Variants in CAMKMT observed in about 807,000 individuals in gnomAD.
The protein encoded by CAMKMT is calmodulin-lysine N-methyltransferase.
In CAMKMT, 53 loss-of-function variants were observed where a neutral mutation model predicts 48.0. The observed-to-expected ratio is 1.10, with a 90% CI of 0.89 to 1.39. CAMKMT has a LOEUF of 1.39. Ranked by LOEUF, CAMKMT falls within the 40% of genes most tolerant of loss-of-function variation. The probability of loss-of-function intolerance (pLI) is 0.00; values close to 1 mark genes in which losing one functional copy is unlikely to be tolerated. For missense variants in CAMKMT, 428 were observed against 402.7 expected, an observed-to-expected ratio of 1.06 and a Z score of -0.54; for synonymous variants, 165 against 152.3, an observed-to-expected ratio of 1.08 and a Z score of -0.61.
chr2:44,636,491 T>C (rs1269968051), intron 3 of CAMKMT, among the ~76,000 whole-genome samples: 2 of 152,166 alleles, frequency 1.3e-5, no homozygotes, highest in Non-Finnish European at 2.9e-5. Flanking sequence ...CCAGTGTAAC[T>C]TAGGTGCAGC....
chr2:44,565,204 C>T (rs573539399), intron 3 of CAMKMT, among the ~76,000 whole-genome samples: 152 of 152,190 alleles, frequency 1.0e-3, no homozygotes, highest in African/African-American at 3.5e-3. Flanking sequence ...ATGGCAACAC[C>T]TTCAAACATT....
rs527544281 is a variant in CAMKMT, at chr2:44,416,107, A to G, written c.376+25802A>G. 3.3e-5 allele frequency among the ~76,000 whole-genome samples: 5 copies of G among 152,316 alleles called. No individual in the cohort carries two copies. In the East Asian group the frequency reaches 9.6e-4, roughly 29 times the overall value. On this transcript the variant is annotated intron_variant, in intron 3 of 10. Transcript: ENST00000378494. ...CAATTTATGAAGTATGGTTGGGTTT[A>G]GGGCATTTATTATTTAAAGAAAAAA...
chr2:44,582,464 T>G (rs1294540437), intron 3 of CAMKMT, among the ~76,000 whole-genome samples: 2 of 152,222 alleles, frequency 1.3e-5, no homozygotes, highest in Admixed American at 1.3e-4. Context: ...AGCTGTCTCA[T>G]TCTTTCTGCC....
intron 3 of CAMKMT, among the ~76,000 whole-genome samples, chr2:44,508,068 G>A (rs1448508423): frequency 6.6e-6 from 1 of 152,176 alleles, no homozygotes; most frequent in Non-Finnish European, 1.5e-5. Context: ...TTGTGGTAAT[G>A]TGAAAAGTTT....
chr2:44,595,494 G>T (rs892352265), intron 3 of CAMKMT, among the ~76,000 whole-genome samples: 7 of 152,166 alleles, frequency 4.6e-5, no homozygotes, highest in Non-Finnish European at 8.8e-5. Flanking sequence ...GGAAATAAAA[G>T]AGGACACAAA....
chr2:44,690,193 T>TA (rs1341506303), intron 3 of CAMKMT, among the ~76,000 whole-genome samples: 6 of 152,266 alleles, frequency 3.9e-5, no homozygotes, highest in Admixed American at 3.9e-4. Flanking sequence ...CTAATTTCTT[T>TA]AAAATGTCAC....
At chr2:44,439,038 T>A (rs1326420026) in intron 3 of CAMKMT, among the ~76,000 whole-genome samples, 1 of 152,218 alleles carries the variant, frequency 6.6e-6, no homozygotes, top group Non-Finnish European at 1.5e-5. Context: ...CTGTTTTAAT[T>A]AAACTGATGA....
At chr2:44,726,628 TCA>T (rs1407691730) in intron 7 of CAMKMT, among the ~76,000 whole-genome samples, 1 of 152,216 alleles carries the variant, frequency 6.6e-6, no homozygotes, top group East Asian at 1.9e-4. Flanking sequence ...TGTAATCAGG[TCA>T]CACGTGTCTA....
chr2:44,769,405 C>G (rs1681005568), intron 10 of CAMKMT, among the ~76,000 whole-genome samples: 1 of 152,202 alleles, frequency 6.6e-6, no homozygotes, highest in African/African-American at 2.4e-5. Flanking sequence ...GCTTTTCAGT[C>G]CATCCTTGCA....
At chr2:44,448,501 A>G (rs1248804994) in intron 3 of CAMKMT, among the ~76,000 whole-genome samples, 1 of 152,192 alleles carries the variant, frequency 6.6e-6, no homozygotes, top group Admixed American at 6.5e-5. Flanking sequence ...ATATTTAACT[A>G]TTTAAGTATT....
intron 3 of CAMKMT, among the ~76,000 whole-genome samples, chr2:44,633,425 A>G (rs972549068): frequency 1.3e-5 from 2 of 152,168 alleles, no homozygotes; most frequent in East Asian, 1.9e-4. Context: ...ATGTTATTCA[A>G]TATGTCACTG....
rs186230724 is a variant in CAMKMT at position 44,407,258 on chromosome 2, C to A, written c.376+16953C>A. Among the ~76,000 whole-genome samples, 21 of 152,026 alleles carry A rather than the reference C, an allele frequency of 1.4e-4. 1 individual carries two copies. The East Asian group carries it at 1.9e-3, about 14-fold the overall frequency. On this transcript the variant is annotated intron_variant, in intron 3 of 10. Coordinates refer to ENST00000378494, the MANE Select transcript of CAMKMT (RefSeq NM_024766.5). ...TCACAGCTTTCAGCAGACTTTGCAC[C>A]CCTGTATGACAGATCTCTGTGCTCC... is the stretch of plus-strand genomic sequence containing the variant.
intron 3 of CAMKMT, among the ~76,000 whole-genome samples, chr2:44,474,407 A>G (rs1668578226): frequency 6.6e-6 from 1 of 150,620 alleles, no homozygotes; most frequent in Non-Finnish European, 1.5e-5. Flanking sequence ...AGATTGTGCC[A>G]TTGCACTCCA....
chr2:44,568,287 G>C (rs1668720509), intron 3 of CAMKMT, among the ~76,000 whole-genome samples: 1 of 152,128 alleles, frequency 6.6e-6, no homozygotes, highest in African/African-American at 2.4e-5. Context: ...CTTGGAAACT[G>C]TTACTCAAAA....
At chr2:44,593,851 C>T (rs984588783) in intron 3 of CAMKMT, among the ~76,000 whole-genome samples, 2 of 148,660 alleles carry the variant, frequency 1.3e-5, no homozygotes, top group African/African-American at 5.0e-5. Flanking sequence ...ACAACCTCTG[C>T]CTCCCGGGTT....
At chr2:44,390,844 T>C (rs536046385) in intron 3 of CAMKMT, among the ~76,000 whole-genome samples, 1 of 152,322 alleles carries the variant, frequency 6.6e-6, no homozygotes, top group South Asian at 2.1e-4. Flanking sequence ...AGCTTCTGAT[T>C]AATTGGTGAT....
chr2:44,568,286 T>C (rs1387190107), intron 3 of CAMKMT, among the ~76,000 whole-genome samples: 2 of 152,204 alleles, frequency 1.3e-5, no homozygotes, highest in African/African-American at 4.8e-5. Flanking sequence ...GCTTGGAAAC[T>C]GTTACTCAAA....
intron 3 of CAMKMT, among the ~76,000 whole-genome samples, chr2:44,429,807 CAAAA>C (rs1168195679): frequency 1.0e-3 from 66 of 64,762 alleles, no homozygotes; most frequent in Admixed American, 2.3e-3. Context: ...GACTCCGTCT[CAAAA>C]AAAAAAAAAA....
At chr2:44,515,891 A>T (rs1018202172) in intron 3 of CAMKMT, among the ~76,000 whole-genome samples, 2 of 152,208 alleles carry the variant, frequency 1.3e-5, no homozygotes, top group East Asian at 3.8e-4. Flanking sequence ...CATTGCTGGG[A>T]TACATCAAAT....
Sources: gnomAD v4.1 joint callset for allele counts (sites outside exome capture counted in the v4.1 genomes callset) on GRCh38, gnomAD v4.1.1 for gene constraint, MANE v1.5 for transcripts, NCBI Gene and HGNC (gene_info 2026-07-23, HGNC 2026-07-21) for gene names.